Variants in MLLT6 observed in about 807,000 individuals in gnomAD.
The protein encoded by MLLT6 is MLLT6, PHD finger containing.
In MLLT6, 22 loss-of-function variants were observed where a neutral mutation model predicts 103.0. The ratio of observed to expected loss-of-function variants is 0.21; its 90% CI spans 0.15 to 0.31. The LOEUF (loss-of-function observed/expected upper bound fraction) is 0.31. Ranked by LOEUF, MLLT6 falls within the 10% of genes least tolerant of loss-of-function variation. The probability of loss-of-function intolerance (pLI) is 1.00; values close to 1 mark genes in which losing one functional copy is unlikely to be tolerated. For synonymous variants in MLLT6, 606 were observed against 623.5 expected, an observed-to-expected ratio of 0.97 and a Z score of 0.42; for missense variants, 1,199 against 1,441.7, an observed-to-expected ratio of 0.83 and a Z score of 2.73.
Position 38,724,814 on chromosome 17 carries a change from C to T in MLLT6, c.3078C>T (p.Ala1026=), listed in dbSNP as rs1166199171. 1.2e-6 allele frequency: 2 copies of T among 1,601,952 alleles called. No individual in the cohort carries two copies. Among genetic ancestry groups the T allele is most frequent in the Non-Finnish European group, 1.7e-6 (2 of 1,174,664 alleles). The stretch of plus-strand genomic sequence containing the variant: ...CTCCACCCCTGCTGCCCGCTGGAGC[C>T]CTAGTGGCTCCCTCGCTTGGCAACA... ...ASAPPLLPAG[A]LVAPSLGNNT... is the part of the protein sequence containing the mutation. Residue 1026 remains alanine (A), a synonymous_variant, in exon 19 of 20, where the codon GCC becomes GCT. Coordinates refer to ENST00000621332, the MANE Select transcript of MLLT6 (RefSeq NM_005937.4). The surrounding 1 kb of genome is among the most constrained non-coding windows in gnomAD (Gnocchi z 5.4).
rs1377373611 is a variant in MLLT6, at chr17:38,725,863, C to T, written c.*265C>T. 3 of 470,226 alleles carry T rather than the reference C, an allele frequency of 6.4e-6. No individual in the cohort carries two copies. Among genetic ancestry groups the T allele is most frequent in the Admixed American group, 8.4e-5 (2 of 23,820 alleles). 29.1% of individuals were successfully genotyped at this position (470,226 alleles called of 1,614,324 possible). A position where few individuals can be genotyped will look rare whatever the true frequency, so the allele number is the denominator to read the frequency against. On this transcript the variant is annotated 3_prime_UTR_variant, in exon 20 of 20. Transcript: ENST00000621332. ...CAGTCTGCAAGCCCGCCTAGGAGGTCCATCCCCAGCAAATGTTTTGGAGGT... is the reference window on the plus strand; with the variant it reads ...CAGTCTGCAAGCCCGCCTAGGAGGTTCATCCCCAGCAAATGTTTTGGAGGT...
chr17:38,711,969 G>A lies in MLLT6; in HGVS notation c.675G>A (p.Thr225=), dbSNP rs780696365. Residue 225 remains threonine, a synonymous_variant, in exon 7 of 20, where the codon ACG becomes ACA. Coordinates refer to ENST00000621332, the MANE Select transcript of MLLT6 (RefSeq NM_005937.4). The stretch of plus-strand genomic sequence containing the variant: ...GAAGCCGGTCAGCCTCACCATCCAC[G>A]CAGCAGGAGAAGCACCCCACCCACC... The part of the protein sequence containing the change: ...GRRSRSASPS[T]QQEKHPTHHE... 23 of 1,607,396 alleles carry A rather than the reference G, an allele frequency of 1.4e-5. No individual in the cohort carries two copies. The highest frequency in any genetic ancestry group is 1.7e-4 in the Middle Eastern group (1 of 6,034).
Position 38,720,434 on chromosome 17 carries a change from A to T in MLLT6, c.2218A>T (p.Ile740Phe), listed in dbSNP as rs2143701898. The change falls in exon 15 of 20, where the codon ATC becomes TTC. Residue 740 changes from isoleucine (I) to phenylalanine (F), a missense_variant. Ile to Phe is a conservative substitution (Grantham distance 21). Coordinates refer to ENST00000621332, the MANE Select transcript of MLLT6 (RefSeq NM_005937.4). ...GGAGAACCAGCGGCTGCAAGAGCAG[A>T]TCCTGAGCCTGACGGCCAAAAAGGA... ...QKENQRLQEQ[I>F]LSLTAKKERL... is the part of the protein sequence containing the mutation. 6.2e-7 allele frequency: 1 copy of T among 1,612,870 alleles called. No individual in the cohort carries two copies. Among genetic ancestry groups the T allele is most frequent in the African/African-American group, 1.3e-5 (1 of 75,048 alleles).
chr17:38,716,558 TCCA>T lies in MLLT6; in HGVS notation c.1237_1239del (p.Thr413del), dbSNP rs1905353233. ...TGGCTTTGGGCCCATCATGCGCTTC[TCCA>T]CCACCACCTCCAGCTCAGGCCGGGC... On this transcript the variant is annotated inframe_deletion, in exon 10 of 20. Transcript: ENST00000621332. The surrounding 1 kb of genome is among the most constrained non-coding windows in gnomAD (Gnocchi z 5.6). The T allele has an allele frequency of 2.5e-6, 4 of 1,613,946 alleles. No individual in the cohort carries two copies. The highest frequency in any genetic ancestry group is 1.3e-5 in the African/African-American group (1 of 74,908).
chr17:38,707,066 C>G, intron 2 of MLLT6, 37 bp downstream of exon 2: 1 of 1,561,494 alleles, frequency 6.4e-7, no homozygotes, highest in Non-Finnish European at 8.8e-7. Context: ...TCCCCTGCCC[C>G]TCCCACACAC....
rs772837740 is a variant in MLLT6 at position 38,705,669 on chromosome 17, G to A, written c.37G>A (p.Asp13Asn). The A allele has an allele frequency of 1.3e-6, 2 of 1,573,236 alleles. No homozygotes were observed. Among genetic ancestry groups the A allele is most frequent in the Non-Finnish European group, 1.7e-6 (2 of 1,158,656 alleles). The change falls in exon 1 of 20, where the codon GAC (aspartate) becomes AAC (asparagine). Residue 13 changes from aspartate to asparagine, a missense_variant. By Grantham distance (23) the Asp-to-Asn change is conservative. Coordinates refer to ENST00000621332, the MANE Select transcript of MLLT6 (RefSeq NM_005937.4). ...EMVGGCCVCS[D>N]ERGWAENPLV... Reference sequence around the variant, plus strand: ...GGTAGGAGGCTGCTGCGTATGTTCGGACGAGAGGGGCTGGGCCGAGAACCC... The same window carrying A: ...GGTAGGAGGCTGCTGCGTATGTTCGAACGAGAGGGGCTGGGCCGAGAACCC...
chr17:38,720,877 T>G lies in MLLT6; in HGVS notation c.2442+130T>G, dbSNP rs149697968. On this transcript the variant is annotated intron_variant, in intron 16 of 19. Transcript: ENST00000621332. Reference sequence around the variant, plus strand: ...CTGAGCAATTGATTGATCCATTCAGTCCTCCCTTAATCAAGTAATATTTAT... The same window carrying G: ...CTGAGCAATTGATTGATCCATTCAGGCCTCCCTTAATCAAGTAATATTTAT... 29 of 792,266 alleles carry G rather than the reference T, an allele frequency of 3.7e-5. No homozygotes were observed. The African/African-American group carries it at 3.9e-4, about 11-fold the overall frequency. The allele number at this position is 792,266 out of a possible 1,614,324, so 49.1% of individuals were successfully genotyped here. A position where few individuals can be genotyped will look rare whatever the true frequency, so the allele number is the denominator to read the frequency against.
chr17:38,724,607 G>T lies in MLLT6; in HGVS notation c.2884-13G>T. On this transcript the variant is annotated splice_polypyrimidine_tract_variant and intron_variant, in intron 18 of 19. Coordinates refer to ENST00000621332, the MANE Select transcript of MLLT6 (RefSeq NM_005937.4). This position sits in a 1 kb window ranked among gnomAD's most constrained non-coding sequence, Gnocchi z 5.4. ...GGGACTGTTGGCCAACAAGCGGTCT[G>T]GCCCCCTTGCAGGAACACCAGACTG... 1 of 1,567,934 alleles carries T rather than the reference G, an allele frequency of 6.4e-7. No homozygotes were observed.
rs1905157114 is a variant in MLLT6, at chr17:38,711,975, G to A, written c.681G>A (p.Gln227=). Residue 227 remains glutamine, a synonymous_variant, in exon 7 of 20, where the codon CAG becomes CAA. Coordinates refer to ENST00000621332, the MANE Select transcript of MLLT6 (RefSeq NM_005937.4). ...GGTCAGCCTCACCATCCACGCAGCA[G>A]GAGAAGCACCCCACCCACCACGAGA... ...RSRSASPSTQ[Q]EKHPTHHERG... is the part of the protein sequence containing the mutation. 1 of 1,606,376 alleles carries A rather than the reference G, an allele frequency of 6.2e-7. No individual in the cohort carries two copies. Among genetic ancestry groups the A allele is most frequent in the Non-Finnish European group, 8.5e-7 (1 of 1,175,724 alleles).
intron 19 of MLLT6, chr17:38,725,355 G>A (rs528385236): frequency 5.0e-5 from 29 of 576,626 alleles, no homozygotes; most frequent in African/African-American, 4.7e-4. Flanking sequence ...ACATGCCCAC[G>A]CAGCCCGGTG....
rs775081301 is a variant in MLLT6, at chr17:38,716,357, CTG to C, written c.1037-7_1037-6del. 18 of 1,604,266 alleles carry C rather than the reference CTG, an allele frequency of 1.1e-5. No individual in the cohort carries two copies. The highest frequency in any genetic ancestry group is 1.5e-5 in the Non-Finnish European group (18 of 1,177,132). ...GGGTCCAGCTGTAACTGTTTCCCCT[CTG>C]TGCACAGTCTCGTCCCTGCAGAGCT... On this transcript the variant is annotated splice_polypyrimidine_tract_variant and splice_region_variant and intron_variant, in intron 9 of 19. Coordinates refer to ENST00000621332, the MANE Select transcript of MLLT6 (RefSeq NM_005937.4). The surrounding 1 kb of genome is among the most constrained non-coding windows in gnomAD (Gnocchi z 5.6).
intron 19 of MLLT6, 79 bp downstream of exon 19, chr17:38,725,055 G>C (rs1177407351): frequency 6.5e-6 from 7 of 1,079,678 alleles, no homozygotes; most frequent in Non-Finnish European, 9.2e-6. Flanking sequence ...CTTATCATCA[G>C]GTACCTCAGC....
In MLLT6 at chr17:38,724,893, G is replaced by A. The variant is rs901360447; in HGVS notation, c.3157G>A (p.Gly1053Arg). 21 of 1,555,818 alleles carry A rather than the reference G, an allele frequency of 1.3e-5. No individual in the cohort carries two copies. The highest frequency in any genetic ancestry group is 8.2e-5 in the African/African-American group (6 of 73,222). Residue 1053 changes from glycine (G) to arginine (R), a missense_variant, in exon 19 of 20, where the codon GGA becomes AGA. Physicochemically the swap from Gly to Arg is moderately radical, Grantham distance 125 (BLOSUM62 -2). Around this residue, in one of 7 missense-constraint regions of MLLT6, gnomAD observed 55 missense variants for 93.3 expected, o/e 0.59. Transcript: ENST00000621332. The surrounding 1 kb of genome is among the most constrained non-coding windows in gnomAD (Gnocchi z 5.4). ...AAAAAVAAAG[G>R]PPVLTAQTNP... ...AGCTGCAGCAGTAGCAGCAGCAGGC[G>A]GACCTCCAGTCCTCACTGCCCAGAC...
intron 8 of MLLT6, 54 bp from the exon 9 acceptor site, chr17:38,715,558 A>C: frequency 1.3e-6 from 2 of 1,544,790 alleles, no homozygotes; most frequent in Non-Finnish European, 1.7e-6. Context: ...CCACATCAGG[A>C]TCAGCACAGG....
At position 38,716,258 on chromosome 17, in the gene MLLT6, C is replaced by A; in HGVS notation, c.1037-109C>A. 8.5e-7 allele frequency: 1 copy of A among 1,179,706 alleles called. No individual in the cohort carries two copies. The highest frequency in any genetic ancestry group is 1.4e-5 in the South Asian group (1 of 69,086). 73.1% of individuals were successfully genotyped at this position (1,179,706 alleles called of 1,614,324 possible). A position where few individuals can be genotyped will look rare whatever the true frequency, so the allele number is the denominator to read the frequency against. ...CAGTGGCAGAGCTGAGACAGGAAACCAGGCATCCCCATTCGTGGACCAGAG... is the reference window on the plus strand; with the variant it reads ...CAGTGGCAGAGCTGAGACAGGAAACAAGGCATCCCCATTCGTGGACCAGAG... On this transcript the variant is annotated intron_variant, in intron 9 of 19. Transcript: ENST00000621332. This position sits in a 1 kb window ranked among gnomAD's most constrained non-coding sequence, Gnocchi z 5.6.
In MLLT6 at chr17:38,716,833, C is replaced by T. The variant is rs1384009231; in HGVS notation, c.1503C>T (p.Ala501=). Residue 501 remains alanine (A), a synonymous_variant, in exon 10 of 20, where the codon GCC becomes GCT. Transcript: ENST00000621332. This position sits in a 1 kb window ranked among gnomAD's most constrained non-coding sequence, Gnocchi z 5.6. ...GGPAAPSLPS[A]QLAGFTATAA... ...CAGCTGCCCCATCCTTGCCCAGTGC[C>T]CAGCTGGCTGGCTTTACCGCCACTG... 6.2e-7 allele frequency: 1 copy of T among 1,612,636 alleles called. No individual in the cohort carries two copies. Among genetic ancestry groups the T allele is most frequent in the East Asian group, 2.2e-5 (1 of 44,864 alleles).
chr17:38,709,765 A>T lies in MLLT6; in HGVS notation c.552+190A>T, dbSNP rs561870263. Reference sequence around the variant, plus strand: ...AGCTTCAGGTGTGTGGATCAGAGCTAGACCAAGCAGTCTGTCCCAAAAGAC... The same window carrying T: ...AGCTTCAGGTGTGTGGATCAGAGCTTGACCAAGCAGTCTGTCCCAAAAGAC... On this transcript the variant is annotated intron_variant, in intron 6 of 19. Transcript: ENST00000621332. The surrounding 1 kb of genome is among the most constrained non-coding windows in gnomAD (Gnocchi z 4.3). Among the ~76,000 whole-genome samples, 64 of 152,320 alleles carry T rather than the reference A, an allele frequency of 4.2e-4. No individual in the cohort carries two copies. The highest frequency in any genetic ancestry group is 3.4e-3 in the Middle Eastern group (1 of 294).
At chr17:38,720,304 C>CCCCCCCCGG in intron 14 of MLLT6, 68 bp from the exon 15 acceptor site, 11 of 685,612 alleles carry the variant, frequency 1.6e-5, no homozygotes, top group African/African-American at 1.8e-5. Context: ...CTCCAGGCCC[C>CCCCCCCCGG]GCCCCCGGTC....
chr17:38,723,118 CA>C (rs1473050789), intron 18 of MLLT6, among the ~76,000 whole-genome samples: 1 of 152,176 alleles, frequency 6.6e-6, no homozygotes, highest in Non-Finnish European at 1.5e-5. Flanking sequence ...GTGCAGGTGA[CA>C]CCACCCTCAA....
Sources: allele counts gnomAD v4.1 joint callset (sites outside exome capture counted in the v4.1 genomes callset), GRCh38; gene constraint gnomAD v4.1.1; regional missense constraint gnomAD v4.1.1; non-coding constraint Gnocchi (gnomAD v3.1); transcripts MANE v1.5; gene names NCBI Gene and HGNC (gene_info 2026-07-23, HGNC 2026-07-21).